MAGI1: variants seen among roughly 807,000 people sequenced by gnomAD.
MAGI1 encodes membrane-associated guanylate kinase, WW and PDZ domain-containing protein 1.
MAGI1 carries 58 observed loss-of-function variants against 139.9 expected under a neutral mutation model. The ratio of observed to expected loss-of-function variants is 0.41; its 90% CI spans 0.34 to 0.52. The LOEUF (loss-of-function observed/expected upper bound fraction) is 0.52. Among genes scored for constraint, MAGI1 ranks in the 20% least tolerant of loss-of-function variants. The pLI, the probability that MAGI1 is intolerant of heterozygous loss-of-function variation, is 0.12. For synonymous variants in MAGI1, 812 were observed against 737.9 expected, an observed-to-expected ratio of 1.10 and a Z score of -1.63; for missense variants, 1,874 against 1,901.6, an observed-to-expected ratio of 0.99 and a Z score of 0.27.
chr3:65,626,467 G>C (rs565158220), intron 1 of MAGI1, among the ~76,000 whole-genome samples: 1 of 152,234 alleles, frequency 6.6e-6, no homozygotes, highest in East Asian at 1.9e-4. Context: ...TGGGACTACA[G>C]GCATGCACCA....
chr3:65,394,245 C>T (rs1944199448), intron 13 of MAGI1, among the ~76,000 whole-genome samples: 1 of 152,038 alleles, frequency 6.6e-6, no homozygotes, highest in African/African-American at 2.4e-5. Context: ...ATTATAACAC[C>T]CTTTCTCACC....
intron 2 of MAGI1, among the ~76,000 whole-genome samples, chr3:65,575,414 C>T (rs1193016667): frequency 2.6e-5 from 4 of 151,996 alleles, no homozygotes; most frequent in South Asian, 4.2e-4. Context: ...GTGAAACTCT[C>T]CTACACTGCT....
At chr3:65,645,344 A>G (rs1049545420) in intron 1 of MAGI1, among the ~76,000 whole-genome samples, 1 of 152,140 alleles carries the variant, frequency 6.6e-6, no homozygotes, top group African/African-American at 2.4e-5. Flanking sequence ...AGTGACAGTA[A>G]ATTTTTCATC....
intron 1 of MAGI1, among the ~76,000 whole-genome samples, chr3:65,842,158 C>T (rs1047341138): frequency 1.3e-5 from 2 of 152,072 alleles, no homozygotes; most frequent in African/African-American, 4.8e-5. Context: ...GTTATGGAGC[C>T]CTTTCCTAGA....
intron 1 of MAGI1, among the ~76,000 whole-genome samples, chr3:65,665,301 T>C: frequency 6.6e-6 from 1 of 152,112 alleles, no homozygotes; most frequent in East Asian, 1.9e-4. Context: ...AAAACGGAAA[T>C]TGGCTGATCT....
intron 1 of MAGI1, among the ~76,000 whole-genome samples, chr3:65,745,347 G>C (rs1416040890): frequency 6.6e-6 from 1 of 152,004 alleles, no homozygotes; most frequent in African/African-American, 2.4e-5. Flanking sequence ...AAGGATTAGT[G>C]GTCAGTAAGT....
chr3:65,530,665 A>C (rs1439348393), intron 2 of MAGI1, among the ~76,000 whole-genome samples: 1 of 134,616 alleles, frequency 7.4e-6, no homozygotes, highest in Non-Finnish European at 1.6e-5. Flanking sequence ...GTGTGTGTAT[A>C]TATATATACA....
intron 4 of MAGI1, among the ~76,000 whole-genome samples, chr3:65,477,166 G>A (rs1157695677): frequency 6.6e-6 from 1 of 152,126 alleles, no homozygotes; most frequent in Non-Finnish European, 1.5e-5. Flanking sequence ...CAGATGTTTG[G>A]CTATCCTACT....
chr3:65,397,594 C>A (rs1944494391), intron 13 of MAGI1, among the ~76,000 whole-genome samples: 1 of 151,158 alleles, frequency 6.6e-6, no homozygotes, highest in Non-Finnish European at 1.5e-5. Flanking sequence ...CACTTTCTTT[C>A]ATCTGACAAT....
At chr3:65,728,866 T>A (rs2033888159) in intron 1 of MAGI1, among the ~76,000 whole-genome samples, 1 of 152,080 alleles carries the variant, frequency 6.6e-6, no homozygotes, top group Non-Finnish European at 1.5e-5. Flanking sequence ...AAGCCAATTG[T>A]TTTTTAAAAT....
In MAGI1 at chr3:65,922,007, G is replaced by A. The variant is rs147388606; in HGVS notation, c.313+115989C>T. ...TGCATTTTGGTTAGATATGAAAAAC[G>A]AATAATAATAATTATAGGAGTGTAT... On this transcript the variant is annotated intron_variant, in intron 1 of 22. Transcript: ENST00000402939. Among the ~76,000 whole-genome samples the A allele has an allele frequency of 1.3e-3, 195 of 151,308 alleles. No individual in the cohort carries two copies. In the South Asian group the frequency reaches 0.016, roughly 12 times the overall value.
intron 1 of MAGI1, among the ~76,000 whole-genome samples, chr3:65,955,877 G>A (rs751010395): frequency 3.3e-5 from 5 of 151,962 alleles, no homozygotes; most frequent in South Asian, 2.1e-4. Flanking sequence ...GTTTGTTTTC[G>A]GTGGAGGATG....
At chr3:65,360,164 C>T (rs1940668925) in intron 22 of MAGI1, 1 of 985,152 alleles carries the variant, frequency 1.0e-6, no homozygotes, top group Non-Finnish European at 1.2e-6. Context: ...CTGAATTAAA[C>T]ATCTCATCAA....
At chr3:65,575,458 G>T (rs964772450) in intron 2 of MAGI1, among the ~76,000 whole-genome samples, 4 of 152,098 alleles carry the variant, frequency 2.6e-5, no homozygotes, top group African/African-American at 9.7e-5. Flanking sequence ...ATCACTCTGG[G>T]AAGGTTAAGA....
chr3:65,807,583 T>G (rs1235191421), intron 1 of MAGI1, among the ~76,000 whole-genome samples: 1 of 152,158 alleles, frequency 6.6e-6, no homozygotes, highest in Non-Finnish European at 1.5e-5. Flanking sequence ...TAATTTTAAC[T>G]AACATGCTAT....
chr3:65,470,518 AGAGAG>A (rs1439187885), intron 4 of MAGI1, 34 bp from the exon 5 acceptor site: 26 of 1,360,566 alleles, frequency 1.9e-5, no homozygotes, highest in South Asian at 2.6e-5. Context: ...AGAGAGAGAG[AGAGAG>A]AAAAAAAAAA....
intron 2 of MAGI1, 23 bp downstream of exon 2, chr3:65,621,949 G>A (rs767823917): frequency 2.7e-6 from 4 of 1,487,040 alleles, no homozygotes; most frequent in East Asian, 2.3e-5. Context: ...ACAGCAGTGA[G>A]ATGCCAAAGT....
In MAGI1 at chr3:65,636,735, C is replaced by A. The variant is rs951716552; in HGVS notation, c.314-14647G>T. Among the ~76,000 whole-genome samples the A allele has an allele frequency of 1.8e-4, 28 of 151,906 alleles. 1 individual carries two copies. Among genetic ancestry groups the A allele is most frequent in the Middle Eastern group, 3.2e-3 (1 of 316 alleles). ...ACACACACACACACATACACACACA[C>A]ACACATTAAGCCATTTATTTTCTGT... On this transcript the variant is annotated intron_variant, in intron 1 of 22. Coordinates refer to ENST00000402939, the MANE Select transcript of MAGI1 (RefSeq NM_001033057.2).
chr3:65,448,224 G>A (rs1010025538), intron 6 of MAGI1, 167 bp from the exon 7 acceptor site: 9 of 658,116 alleles, frequency 1.4e-5, no homozygotes, highest in Non-Finnish European at 1.9e-5. Flanking sequence ...GTAAACTTGC[G>A]ACCTCAGTGT....
Sources: allele counts gnomAD v4.1 joint callset (sites outside exome capture counted in the v4.1 genomes callset), GRCh38; gene constraint gnomAD v4.1.1; transcripts MANE v1.5; gene names NCBI Gene and HGNC (gene_info 2026-07-23, HGNC 2026-07-21).